PTPRJ: variants seen among roughly 807,000 people sequenced by gnomAD.
The protein encoded by PTPRJ is protein tyrosine phosphatase receptor type J.
A neutral mutation model predicts 141.3 loss-of-function variants in PTPRJ; 129 were observed. That is an observed-to-expected ratio of 0.91 (90% CI 0.79 to 1.06). The LOEUF (loss-of-function observed/expected upper bound fraction) is 1.06, where lower values mean the gene tolerates loss of function less well. Ranked by LOEUF, PTPRJ falls within the 50% of genes least tolerant of loss-of-function variation. PTPRJ has a pLI of 0.00. For synonymous variants in PTPRJ, 610 were observed against 640.5 expected, an observed-to-expected ratio of 0.95 and a Z score of 0.72; for missense variants, 1,601 against 1,679.7, an observed-to-expected ratio of 0.95 and a Z score of 0.82.
intron 1 of PTPRJ, among the ~76,000 whole-genome samples, chr11:48,027,287 A>G (rs2950891): frequency 0.067 from 10,064 of 150,952 alleles, 1,069 homozygotes; most frequent in African/African-American, 0.23. Context: ...GATTACAGGC[A>G]TGAGCCACCG....
rs765257896 is a variant in PTPRJ, at chr11:48,144,830, G to A, written c.2731G>A (p.Glu911Lys). ...VLKYEIDVGNESTTLGYYNGK... is the reference protein window; with the variant it reads ...VLKYEIDVGNKSTTLGYYNGK... The stretch of plus-strand genomic sequence containing the variant: ...GAAATATGAAATTGACGTTGGGAAT[G>A]AGTCAACCACACTTGGTTATTACAA... Residue 911 changes from glutamate to lysine, a missense_variant, in exon 13 of 25, where the codon GAG (glutamate) becomes AAG (lysine). By Grantham distance (56) the Glu-to-Lys change is moderately conservative. Coordinates refer to ENST00000418331, the MANE Select transcript of PTPRJ (RefSeq NM_002843.4). 1.9e-6 allele frequency: 3 copies of A among 1,614,194 alleles called. No individual in the cohort carries two copies. The highest frequency in any genetic ancestry group is 2.2e-5 in the South Asian group (2 of 91,080).
rs573074060 is a variant in PTPRJ, at chr11:48,001,505, A to C, written c.96+20497A>C. ...GCACTTCCTCTTACTAAGCTGTGTG[A>C]TCTTGGGACATTACTAACCTCTGTG... is the stretch of plus-strand genomic sequence containing the variant. On this transcript the variant is annotated intron_variant, in intron 1 of 24. Coordinates refer to ENST00000418331, the MANE Select transcript of PTPRJ (RefSeq NM_002843.4). Among the ~76,000 whole-genome samples the C allele has an allele frequency of 6.6e-5, 10 of 152,012 alleles. No homozygotes were observed. In the South Asian group the frequency reaches 1.9e-3, roughly 28 times the overall value.
chr11:47,989,252 T>G (rs115030942), intron 1 of PTPRJ, among the ~76,000 whole-genome samples: 241 of 151,596 alleles, frequency 1.6e-3, no homozygotes, highest in African/African-American at 4.4e-3. Context: ...TGCCTCTGCT[T>G]CTTCTTCTTT....
intron 4 of PTPRJ, among the ~76,000 whole-genome samples, chr11:48,122,327 G>A (rs12364481): frequency 0.11 from 17,149 of 152,220 alleles, 1,314 homozygotes; most frequent in Non-Finnish European, 0.17. Flanking sequence ...AGGTGACCCC[G>A]AGGGGGTGGC....
intron 1 of PTPRJ, among the ~76,000 whole-genome samples, chr11:48,096,626 A>C (rs1311907664): frequency 1.3e-5 from 2 of 149,128 alleles, no homozygotes; most frequent in Non-Finnish European, 3.0e-5. Context: ...ACCACCCCTC[A>C]GTTCACCCCC....
intron 1 of PTPRJ, among the ~76,000 whole-genome samples, chr11:48,105,978 C>T (rs1856278071): frequency 6.6e-6 from 1 of 152,182 alleles, no homozygotes; most frequent in East Asian, 1.9e-4. Context: ...TTAACCCCAC[C>T]CTCACCCTTG....
At chr11:48,107,229 G>A (rs760903372) in intron 1 of PTPRJ, among the ~76,000 whole-genome samples, 3 of 151,866 alleles carry the variant, frequency 2.0e-5, no homozygotes, top group Non-Finnish European at 2.9e-5. Flanking sequence ...GTTGGGACTG[G>A]CAGTGGTTTT....
chr11:48,155,188 T>C (rs960916776), intron 19 of PTPRJ, among the ~76,000 whole-genome samples: 2 of 152,222 alleles, frequency 1.3e-5, no homozygotes, highest in South Asian at 2.1e-4. Flanking sequence ...AGTAGTCTTA[T>C]ACATTCAATT....
chr11:48,169,583 C>G lies in PTPRJ; in HGVS notation c.*2221C>G, dbSNP rs374430553. 6.6e-6 allele frequency: 1 copy of G among 152,224 alleles called. No individual in the cohort carries two copies. Among genetic ancestry groups the G allele is most frequent in the African/African-American group, 2.4e-5 (1 of 41,446 alleles). 9.4% of individuals were successfully genotyped at this position (152,224 alleles called of 1,614,324 possible). Reference sequence around the variant, plus strand: ...CTGTGGGCTGTGGCCCTCTCCCCTCCAATATGTCCGAAACCATTGTGATGG... The same window carrying G: ...CTGTGGGCTGTGGCCCTCTCCCCTCGAATATGTCCGAAACCATTGTGATGG... On this transcript the variant is annotated 3_prime_UTR_variant, in exon 25 of 25. Transcript: ENST00000418331.
chr11:48,124,677 G>A (rs1856793847), intron 5 of PTPRJ, among the ~76,000 whole-genome samples: 1 of 152,212 alleles, frequency 6.6e-6, no homozygotes, highest in African/African-American at 2.4e-5. Flanking sequence ...TGCTGGGACA[G>A]GAGAAGATAA....
intron 1 of PTPRJ, among the ~76,000 whole-genome samples, chr11:48,045,118 T>C (rs192589623): frequency 1.3e-5 from 2 of 152,314 alleles, no homozygotes; most frequent in African/African-American, 2.4e-5. Flanking sequence ...GAGAATTAGG[T>C]AACTTTAGGT....
intron 1 of PTPRJ, among the ~76,000 whole-genome samples, chr11:48,059,925 A>G (rs1478047953): frequency 2.0e-5 from 3 of 152,190 alleles, no homozygotes; most frequent in East Asian, 3.9e-4. Flanking sequence ...CCCGAATTGC[A>G]TTAAGGAATC....
intron 11 of PTPRJ, among the ~76,000 whole-genome samples, 156 bp from the exon 12 acceptor site, chr11:48,142,763 C>T (rs139670777): frequency 1.3e-5 from 2 of 152,320 alleles, no homozygotes; most frequent in Non-Finnish European, 2.9e-5. Context: ...CAGTTTCCTT[C>T]CCTGCCTTTT....
At chr11:47,995,565 G>A (rs1854312769) in intron 1 of PTPRJ, among the ~76,000 whole-genome samples, 5 of 152,326 alleles carry the variant, frequency 3.3e-5, no homozygotes, top group Admixed American at 3.3e-4. Flanking sequence ...GAAAACAAGA[G>A]TATCTTTGTC....
intron 1 of PTPRJ, among the ~76,000 whole-genome samples, chr11:48,059,985 T>C (rs1321231253): frequency 1.3e-5 from 2 of 152,142 alleles, no homozygotes; most frequent in African/African-American, 4.8e-5. Flanking sequence ...GCATGGTGAA[T>C]GGGGCGCTCT....
chr11:48,043,311 A>G (rs1284882063), intron 1 of PTPRJ, among the ~76,000 whole-genome samples: 2 of 152,170 alleles, frequency 1.3e-5, no homozygotes, highest in East Asian at 3.9e-4. Flanking sequence ...CGAACAGGGC[A>G]CAAGCCATCC....
chr11:48,153,093 C>T (rs1857521478), intron 18 of PTPRJ, among the ~76,000 whole-genome samples: 1 of 152,160 alleles, frequency 6.6e-6, no homozygotes, highest in East Asian at 1.9e-4. Flanking sequence ...GAAAGCCAAT[C>T]ACTGAGATGA....
intron 8 of PTPRJ, chr11:48,131,435 G>A (rs1590541267): frequency 1.3e-6 from 1 of 764,318 alleles, no homozygotes; most frequent in African/African-American, 1.7e-5. Context: ...TGTACATGTG[G>A]TTTTGTAATC....
At chr11:48,052,037 T>C (rs1854584543) in intron 1 of PTPRJ, among the ~76,000 whole-genome samples, 1 of 152,206 alleles carries the variant, frequency 6.6e-6, no homozygotes, top group South Asian at 2.1e-4. Flanking sequence ...GCGATGGTGC[T>C]TAACCCAGTA....
Sources: gnomAD v4.1 joint callset for allele counts (sites outside exome capture counted in the v4.1 genomes callset) on GRCh38, gnomAD v4.1.1 for gene constraint, MANE v1.5 for transcripts, NCBI Gene and HGNC (gene_info 2026-07-23, HGNC 2026-07-21) for gene names.